The following NOTCH2 variants were observed in gnomAD, a reference collection of about 807,000 sequenced individuals.
NOTCH2 encodes the protein neurogenic locus notch homolog protein 2.
Under a neutral mutation model 235.8 loss-of-function variants are expected in NOTCH2, and 29 were observed. The observed-to-expected ratio is 0.12, with a 90% CI of 0.09 to 0.17. The LOEUF (loss-of-function observed/expected upper bound fraction) is 0.17, where lower values mean the gene tolerates loss of function less well. Ranked by LOEUF, NOTCH2 falls within the 10% of genes least tolerant of loss-of-function variation. NOTCH2 has a pLI of 1.00. For synonymous variants in NOTCH2, 1,086 were observed against 1,141.5 expected, an observed-to-expected ratio of 0.95 and a Z score of 0.98; for missense variants, 2,285 against 3,150.2, an observed-to-expected ratio of 0.73 and a Z score of 6.57.
At position 120,069,098 on chromosome 1, in the gene NOTCH2, T is replaced by G; in HGVS notation, c.73+236A>C. 3 of 1,504,282 alleles carry G rather than the reference T, an allele frequency of 2.0e-6. 1 individual carries two copies. Among genetic ancestry groups the G allele is most frequent in the Non-Finnish European group, 2.7e-6 (3 of 1,126,360 alleles). The allele number at this position is 1,504,282 out of a possible 1,614,324, so 93.2% of individuals were successfully genotyped here. A position where few individuals can be genotyped will look rare whatever the true frequency, so the allele number is the denominator to read the frequency against. On this transcript the variant is annotated intron_variant, in intron 1 of 33. Transcript: ENST00000256646. ...CGGCCTCCCTCCTGCCGAGGAGGCG[T>G]GTAAGGGGTCCCGGGCCGCGGGGAG... is the stretch of plus-strand genomic sequence containing the variant.
At chr1:119,922,110 T>TA in intron 28 of NOTCH2, 126 bp downstream of exon 28, 1 of 1,102,934 alleles carries the variant, frequency 9.1e-7, no homozygotes, top group East Asian at 2.5e-5. Context: ...ACAAGGCATT[T>TA]AGAATCATGG....
chr1:119,938,119 G>T, intron 19 of NOTCH2, 109 bp from the exon 20 acceptor site: 5 of 1,247,726 alleles, frequency 4.0e-6, no homozygotes, highest in Non-Finnish European at 4.5e-6. Context: ...TGATTAAAAA[G>T]AAAAAGAGCC....
At chr1:119,961,005 GT>G (rs587602358) in intron 11 of NOTCH2, among the ~76,000 whole-genome samples, 111 of 152,254 alleles carry the variant, frequency 7.3e-4, no homozygotes, top group African/African-American at 2.6e-3. Context: ...CAGAGGAACA[GT>G]TTATTGAGTT....
chr1:120,039,047 T>TC (rs200368423), intron 1 of NOTCH2, among the ~76,000 whole-genome samples: 23,920 of 150,880 alleles, frequency 0.16, 1,992 homozygotes, highest in African/African-American at 0.3. Flanking sequence ...AGTATTATCT[T>TC]CCCCATGAGT....
At chr1:119,956,759 T>G (rs587763418) in intron 12 of NOTCH2, among the ~76,000 whole-genome samples, 15 of 152,324 alleles carry the variant, frequency 9.8e-5, no homozygotes, top group Admixed American at 9.8e-4. Context: ...AAGCCACTCC[T>G]CCCAAGTTTT....
chr1:119,927,739 G>C (rs1034107161), intron 23 of NOTCH2, among the ~76,000 whole-genome samples: 2 of 152,176 alleles, frequency 1.3e-5, no homozygotes, highest in Non-Finnish European at 2.9e-5. Flanking sequence ...TGGCCAATAC[G>C]AGGCTGTAGA....
intron 12 of NOTCH2, 27 bp downstream of exon 12, chr1:119,959,365 G>C: frequency 8.5e-7 from 1 of 1,176,106 alleles, no homozygotes; most frequent in Non-Finnish European, 1.3e-6. Flanking sequence ...GGCTGAAGGA[G>C]GGGCCTTGCA....
intron 3 of NOTCH2, among the ~76,000 whole-genome samples, chr1:120,000,162 G>A (rs1473644124): frequency 3.9e-5 from 6 of 151,906 alleles, no homozygotes; most frequent in African/African-American, 1.5e-4. Context: ...GAGGTATAGT[G>A]CTATCACAAA....
At chr1:119,941,502 A>T (rs1650062838) in intron 18 of NOTCH2, 24 bp downstream of exon 18, 7 of 1,512,542 alleles carry the variant, frequency 4.6e-6, no homozygotes, top group Non-Finnish European at 6.4e-6. Flanking sequence ...TAAGATGCTG[A>T]TGCCCGAGGG....
chr1:119,947,220 G>T (rs1553197141), intron 17 of NOTCH2, among the ~76,000 whole-genome samples: 1 of 152,034 alleles, frequency 6.6e-6, no homozygotes, highest in African/African-American at 2.4e-5. Context: ...CTCTTCAAAA[G>T]AAAATCAAAA....
chr1:119,919,501 G>A lies in NOTCH2; in HGVS notation c.5592C>T (p.Tyr1864=), dbSNP rs770289962. 5.6e-6 allele frequency: 9 copies of A among 1,613,908 alleles called. No individual in the cohort carries two copies. The Admixed American group carries it at 6.7e-5, about 12-fold the overall frequency. The change falls in exon 31 of 34, where the codon TAC becomes TAT. Residue 1864 remains tyrosine, a synonymous_variant. Coordinates refer to ENST00000256646, the MANE Select transcript of NOTCH2 (RefSeq NM_024408.4). Reference sequence around the variant, plus strand: ...TCTGGGCCTGGAGGCTGGCACCCTGGTAGACCAAGTCTGTGATGATGTTAG... The same window carrying A: ...TCTGGGCCTGGAGGCTGGCACCCTGATAGACCAAGTCTGTGATGATGTTAG... ...SSANIITDLV[Y]QGASLQAQTD... is the part of the protein sequence containing the mutation.
chr1:119,921,658 T>A, intron 29 of NOTCH2, 55 bp downstream of exon 29: 1 of 1,468,236 alleles, frequency 6.8e-7, no homozygotes, highest in Non-Finnish European at 9.6e-7. Flanking sequence ...GGACAGAAAT[T>A]TGAAATGTAA....
At chr1:119,974,952 C>A (rs1396185193) in intron 5 of NOTCH2, among the ~76,000 whole-genome samples, 1 of 152,152 alleles carries the variant, frequency 6.6e-6, no homozygotes, top group African/African-American at 2.4e-5. Flanking sequence ...CACTTGGTGT[C>A]AGTGGTGGAA....
At chr1:120,006,891 C>G in intron 2 of NOTCH2, among the ~76,000 whole-genome samples, 1 of 152,116 alleles carries the variant, frequency 6.6e-6, no homozygotes, top group Non-Finnish European at 1.5e-5. Context: ...GTTGGCAAGG[C>G]TAGCTAGCAG....
At chr1:119,957,330 T>C (rs1253809317) in intron 12 of NOTCH2, among the ~76,000 whole-genome samples, 6 of 152,208 alleles carry the variant, frequency 3.9e-5, no homozygotes, top group Non-Finnish European at 7.3e-5. Flanking sequence ...TTCAGGAAGA[T>C]AATGGGCATG....
intron 22 of NOTCH2, among the ~76,000 whole-genome samples, chr1:119,932,635 C>G (rs1649709790): frequency 6.6e-6 from 1 of 151,776 alleles, no homozygotes; most frequent in Non-Finnish European, 1.5e-5. Context: ...ATCTATCTAT[C>G]TATCTATCTA....
At chr1:119,985,690 C>A (rs1464719942) in intron 5 of NOTCH2, among the ~76,000 whole-genome samples, 5 of 152,012 alleles carry the variant, frequency 3.3e-5, no homozygotes, top group African/African-American at 7.2e-5. Context: ...AGAAAAAAAA[C>A]ACAAATTTTT....
At chr1:119,950,883 G>T in intron 14 of NOTCH2, 46 bp from the exon 15 acceptor site, 1 of 1,205,214 alleles carries the variant, frequency 8.3e-7, no homozygotes, top group Non-Finnish European at 1.2e-6. Context: ...CTTTCTGACA[G>T]CCTCATCAAT....
chr1:120,003,187 C>T (rs1553205760), intron 3 of NOTCH2, among the ~76,000 whole-genome samples: 1 of 152,038 alleles, frequency 6.6e-6, no homozygotes, highest in African/African-American at 2.4e-5. Context: ...GCCTAGCCTC[C>T]CAGCCTACAT....
Sources: gnomAD v4.1 joint callset for allele counts (sites outside exome capture counted in the v4.1 genomes callset) on GRCh38, gnomAD v4.1.1 for gene constraint, MANE v1.5 for transcripts, NCBI Gene and HGNC (gene_info 2026-07-23, HGNC 2026-07-21) for gene names.